Variants in GDPD4 observed in about 807,000 individuals in gnomAD.
GDPD4 encodes the protein glycerophosphodiester phosphodiesterase 6.
Under a neutral mutation model 67.8 loss-of-function variants are expected in GDPD4, and 60 were observed. The ratio of observed to expected loss-of-function variants is 0.88; its 90% CI spans 0.72 to 1.10. The LOEUF is 1.10. GDPD4 is among the 50% of genes least tolerant of loss of function. The probability of loss-of-function intolerance (pLI) is 0.00; values close to 1 mark genes in which losing one functional copy is unlikely to be tolerated. For missense variants in GDPD4, 623 were observed against 613.9 expected, an observed-to-expected ratio of 1.01 and a Z score of -0.16; for synonymous variants, 212 against 210.9, an observed-to-expected ratio of 1.00 and a Z score of -0.04.
rs768728022 is a variant in GDPD4, at chr11:77,233,033, A to T, written c.1381T>A (p.Phe461Ile). 1 of 1,613,876 alleles carries T rather than the reference A, an allele frequency of 6.2e-7. No individual in the cohort carries two copies. The highest frequency in any genetic ancestry group is 1.3e-5 in the African/African-American group (1 of 74,928). Residue 461 changes from phenylalanine to isoleucine, a missense_variant, in exon 14 of 17, where the codon TTC (phenylalanine) becomes ATC (isoleucine). Transcript: ENST00000315938. ...CTGGACAACCAGCTCACCATGAAGA[A>T]GTGAGGGTGATCAAGCTGACTCAGG... ...GLLSQLDHPH[F>I]FMTPKFYVFM... is the part of the protein sequence containing the mutation.
intron 16 of GDPD4, among the ~76,000 whole-genome samples, 160 bp from the exon 17 acceptor site, chr11:77,217,474 T>G (rs543151330): frequency 1.3e-5 from 2 of 151,554 alleles, no homozygotes. Flanking sequence ...TGTGCAAACT[T>G]TATTATGGCC....
chr11:77,260,852 T>G (rs1371172903), intron 10 of GDPD4, among the ~76,000 whole-genome samples: 1 of 152,014 alleles, frequency 6.6e-6, no homozygotes, highest in Non-Finnish European at 1.5e-5. Context: ...TTAGAATCTA[T>G]CCAGATGAAA....
intron 16 of GDPD4, among the ~76,000 whole-genome samples, chr11:77,224,699 C>A (rs1958292515): frequency 6.6e-6 from 1 of 152,144 alleles, no homozygotes; most frequent in Non-Finnish European, 1.5e-5. Flanking sequence ...CCAATTGATA[C>A]CCTGTAAAGA....
chr11:77,246,258 GCCTGGGCAATAGAGTGAGGC>G (rs764232499), intron 11 of GDPD4, among the ~76,000 whole-genome samples: 20 of 152,186 alleles, frequency 1.3e-4, no homozygotes, highest in South Asian at 4.1e-4. Context: ...TTGCACTACA[GCCTGGGCAATAGAGTGAGGC>G]CCTGGGCAAT....
Position 77,268,697 on chromosome 11 carries a change from T to C in GDPD4, c.625-158A>G, listed in dbSNP as rs111438109. ...GTATACCCTCCGTCCAAGCTGATTC[T>C]GGGACTCTGCTCATCTGAGACAATG... On this transcript the variant is annotated intron_variant, in intron 9 of 16. Coordinates refer to ENST00000315938, the MANE Select transcript of GDPD4 (RefSeq NM_182833.3). Among the ~76,000 whole-genome samples, 519 of 152,304 alleles carry C rather than the reference T, an allele frequency of 3.4e-3. 1 individual carries two copies. The highest frequency in any genetic ancestry group is 0.012 in the African/African-American group (482 of 41,572).
chr11:77,297,074 C>CA (rs1937997705), intron 1 of GDPD4, among the ~76,000 whole-genome samples: 1 of 132,742 alleles, frequency 7.5e-6, no homozygotes, highest in South Asian at 2.4e-4. Flanking sequence ...AAAAAAAAAA[C>CA]AAAAAAATTC....
intron 16 of GDPD4, among the ~76,000 whole-genome samples, chr11:77,221,727 TTCTGTAGCTG>T: frequency 6.6e-6 from 1 of 152,318 alleles, no homozygotes; most frequent in African/African-American, 2.4e-5. Context: ...GGGTGGACAG[TTCTGTAGCTG>T]TCTATTAGGT....
intron 16 of GDPD4, among the ~76,000 whole-genome samples, chr11:77,222,206 A>G (rs1371894513): frequency 6.6e-6 from 1 of 152,186 alleles, no homozygotes; most frequent in Non-Finnish European, 1.5e-5. Context: ...TAATTGGGGC[A>G]TTTAGCCCAT....
intron 13 of GDPD4, among the ~76,000 whole-genome samples, chr11:77,241,638 TAAA>T (rs36036994): frequency 3.3e-5 from 2 of 60,824 alleles, no homozygotes; most frequent in Non-Finnish European, 5.6e-5. Context: ...ACCCTGTCTT[TAAA>T]AAAAAAAAAA....
chr11:77,249,398 G>A (rs1037667064), intron 11 of GDPD4, among the ~76,000 whole-genome samples: 7 of 151,974 alleles, frequency 4.6e-5, no homozygotes, highest in South Asian at 2.1e-4. Context: ...TCATATGAAC[G>A]TTACTATATT....
At chr11:77,276,079 C>CT in intron 5 of GDPD4, 82 bp downstream of exon 5, 3 of 965,108 alleles carry the variant, frequency 3.1e-6, no homozygotes, top group Non-Finnish European at 5.1e-6. Context: ...ATACACAAAA[C>CT]TGAGTACCAA....
At chr11:77,218,160 G>A (rs888766601) in intron 16 of GDPD4, among the ~76,000 whole-genome samples, 1 of 151,230 alleles carries the variant, frequency 6.6e-6, no homozygotes, top group Non-Finnish European at 1.5e-5. Flanking sequence ...GGAATTTTTA[G>A]ATCAATTCCA....
At position 77,243,863 on chromosome 11, in the gene GDPD4, A is replaced by T; in HGVS notation, c.1087-15T>A. 1.2e-6 allele frequency: 2 copies of T among 1,604,158 alleles called. No individual in the cohort carries two copies. Among genetic ancestry groups the T allele is most frequent in the Non-Finnish European group, 1.7e-6 (2 of 1,172,330 alleles). On this transcript the variant is annotated splice_polypyrimidine_tract_variant and intron_variant, in intron 12 of 16. Transcript: ENST00000315938. ...AACCAAAAAATCTCTAAGGAGAAAC[A>T]AGAAGTCCCTCAGTAGATAATCAGC...
chr11:77,277,892 T>C (rs1289946973), intron 4 of GDPD4, among the ~76,000 whole-genome samples: 27 of 146,932 alleles, frequency 1.8e-4, no homozygotes, highest in South Asian at 8.8e-4. Context: ...AATTTCCCTC[T>C]ACACACTGCT....
intron 11 of GDPD4, among the ~76,000 whole-genome samples, chr11:77,248,553 A>G (rs7125798): frequency 0.83 from 125,895 of 151,820 alleles, 52,416 homozygotes; most frequent in Middle Eastern, 0.87. Flanking sequence ...CATTAATTGC[A>G]TTACTATAAA....
At chr11:77,243,122 G>A (rs528468345) in intron 13 of GDPD4, among the ~76,000 whole-genome samples, 69 of 152,164 alleles carry the variant, frequency 4.5e-4, no homozygotes, top group African/African-American at 1.6e-3. Context: ...AGTTAAGTTT[G>A]GAAAAGTTAT....
chr11:77,288,994 C>T (rs1937667078), intron 1 of GDPD4, among the ~76,000 whole-genome samples: 1 of 151,354 alleles, frequency 6.6e-6, no homozygotes, highest in South Asian at 2.1e-4. Flanking sequence ...TTTGAAATAA[C>T]CCAGTAAGGT....
chr11:77,250,030 T>C (rs1311686425), intron 11 of GDPD4, among the ~76,000 whole-genome samples: 13 of 152,206 alleles, frequency 8.5e-5, no homozygotes, highest in Non-Finnish European at 1.8e-4. Flanking sequence ...TGACATAAAA[T>C]TTTATAAACA....
intron 11 of GDPD4, among the ~76,000 whole-genome samples, chr11:77,251,111 T>A (rs910269030): frequency 6.6e-6 from 1 of 152,216 alleles, no homozygotes; most frequent in African/African-American, 2.4e-5. Flanking sequence ...GCAGTCTGTA[T>A]CATTCAAGTG....
Sources: gnomAD v4.1 joint callset for allele counts (sites outside exome capture counted in the v4.1 genomes callset) on GRCh38, gnomAD v4.1.1 for gene constraint, MANE v1.5 for transcripts, NCBI Gene and HGNC (gene_info 2026-07-23, HGNC 2026-07-21) for gene names.